Variants in SLTM observed in about 807,000 individuals in gnomAD.
The protein encoded by SLTM is SAFB-like transcription modulator.
In SLTM, 43 loss-of-function variants were observed where a neutral mutation model predicts 134.6. That is an observed-to-expected ratio of 0.32 (90% CI 0.25 to 0.41). The LOEUF is 0.41. Among genes scored for constraint, SLTM ranks in the 10% least tolerant of loss-of-function variants. The probability of loss-of-function intolerance (pLI) is 1.00; values close to 1 mark genes in which losing one functional copy is unlikely to be tolerated. For synonymous variants in SLTM, 424 were observed against 432.3 expected, an observed-to-expected ratio of 0.98 and a Z score of 0.24; for missense variants, 1,055 against 1,288.8, an observed-to-expected ratio of 0.82 and a Z score of 2.78.
intron 2 of SLTM, among the ~76,000 whole-genome samples, chr15:58,921,965 G>A (rs1840457094): frequency 1.3e-5 from 2 of 152,026 alleles, no homozygotes; most frequent in South Asian, 4.1e-4. Context: ...AGTAGAGACA[G>A]GGTTTCAGCA....
In SLTM at chr15:58,889,397, G is replaced by C. The variant is rs115801134; in HGVS notation, c.2204+33C>G. The C allele has an allele frequency of 4.3e-3, 6,849 of 1,611,480 alleles. 252 individuals carry two copies. The African/African-American group carries it at 0.079, about 19-fold the overall frequency. On this transcript the variant is annotated intron_variant, in intron 16 of 20. Coordinates refer to ENST00000380516, the MANE Select transcript of SLTM (RefSeq NM_024755.4). ...TAGCCTAAAGGGAATAAAACAGCAA[G>C]GTTAACTGTTAAGGAATAAAATGAG...
intron 2 of SLTM, 75 bp downstream of exon 2, chr15:58,932,281 G>T: frequency 9.4e-7 from 1 of 1,063,896 alleles, no homozygotes; most frequent in Admixed American, 1.7e-5. Flanking sequence ...ATATAAACAG[G>T]GCAAGAGGCA....
chr15:58,888,724 T>TA, intron 16 of SLTM, 169 bp from the exon 17 acceptor site: 1 of 515,574 alleles, frequency 1.9e-6, no homozygotes, highest in Admixed American at 3.8e-5. Flanking sequence ...ATTGTTGAAT[T>TA]ACATAAAGTC....
At chr15:58,903,090 T>C (rs2035605953) in intron 5 of SLTM, among the ~76,000 whole-genome samples, 1 of 151,792 alleles carries the variant, frequency 6.6e-6, no homozygotes, top group Non-Finnish European at 1.5e-5. Flanking sequence ...TTAGTAGAGA[T>C]GGGGTTTCAC....
intron 1 of SLTM, 52 bp downstream of exon 1, chr15:58,933,352 G>T: frequency 4.0e-6 from 6 of 1,513,448 alleles, no homozygotes; most frequent in Non-Finnish European, 4.4e-6. Flanking sequence ...GGGCGCCGAG[G>T]CGCGGCCTAA....
intron 9 of SLTM, among the ~76,000 whole-genome samples, chr15:58,895,986 T>C (rs1207317042): frequency 1.3e-5 from 2 of 152,160 alleles, no homozygotes; most frequent in Non-Finnish European, 2.9e-5. Context: ...CTAAATAAGG[T>C]CCCTGACCTC....
At chr15:58,904,871 C>T (rs1388444035) in intron 5 of SLTM, among the ~76,000 whole-genome samples, 1 of 152,100 alleles carries the variant, frequency 6.6e-6, no homozygotes, top group East Asian at 1.9e-4. Context: ...CCACTACGCC[C>T]AGCTAATTTT....
At chr15:58,889,867 C>A (rs750117540) in intron 15 of SLTM, 6 of 349,004 alleles carry the variant, frequency 1.7e-5, no homozygotes, top group Non-Finnish European at 3.1e-5. Context: ...TGCATGGAGA[C>A]TAAGTGCCTT....
intron 4 of SLTM, among the ~76,000 whole-genome samples, chr15:58,913,112 G>A (rs568715171): frequency 4.2e-4 from 64 of 152,242 alleles, no homozygotes; most frequent in African/African-American, 1.4e-3. Context: ...TGTTGGCAAT[G>A]CCAGAATGAA....
At chr15:58,892,018 G>A (rs549770143) in intron 14 of SLTM, among the ~76,000 whole-genome samples, 1 of 152,264 alleles carries the variant, frequency 6.6e-6, no homozygotes, top group East Asian at 1.9e-4. Flanking sequence ...TGGGTTCTAT[G>A]TGCTACAAGG....
In SLTM at chr15:58,890,405, C is replaced by T. The variant is rs761950082; in HGVS notation, c.1955G>A (p.Arg652His). Residue 652 changes from arginine to histidine, a missense_variant, in exon 15 of 21, where the codon CGT (arginine) becomes CAT (histidine). By Grantham distance (29) the Arg-to-His change is conservative. Around this residue, in one of 3 missense-constraint regions of SLTM, gnomAD observed 776 missense variants for 962.2 expected, o/e 0.81. Coordinates refer to ENST00000380516, the MANE Select transcript of SLTM (RefSeq NM_024755.4). ...RRERERIRII[R>H]EREERERLQR... ...TAAGCGTTCCCGTTCTTCCCGTTCA[C>T]GAATTATTCTAATGCGTTCTCGCTC... 6.2e-6 allele frequency: 10 copies of T among 1,614,060 alleles called. No homozygotes were observed. Among genetic ancestry groups the T allele is most frequent in the Admixed American group, 3.3e-5 (2 of 60,002 alleles).
At chr15:58,903,352 A>C (rs1231552946) in intron 5 of SLTM, among the ~76,000 whole-genome samples, 1 of 152,202 alleles carries the variant, frequency 6.6e-6, no homozygotes, top group East Asian at 1.9e-4. Flanking sequence ...ACTTCTGCTT[A>C]GAAAACTAAG....
At chr15:58,900,238 G>A (rs763836954) in intron 6 of SLTM, among the ~76,000 whole-genome samples, 6 of 152,148 alleles carry the variant, frequency 3.9e-5, no homozygotes, top group Non-Finnish European at 7.4e-5. Flanking sequence ...GCATATGGAA[G>A]ATTTTGTTCC....
intron 2 of SLTM, among the ~76,000 whole-genome samples, chr15:58,929,252 A>G (rs972091215): frequency 2.6e-5 from 4 of 152,186 alleles, no homozygotes; most frequent in Non-Finnish European, 5.9e-5. Flanking sequence ...GGAGTTCAAG[A>G]CAAGCCTGAC....
chr15:58,923,799 CTTTTTTTTT>C (rs34100406), intron 2 of SLTM, among the ~76,000 whole-genome samples: 29 of 69,594 alleles, frequency 4.2e-4, no homozygotes, highest in African/African-American at 1.4e-3. Context: ...GAAGCCAAAC[CTTTTTTTTT>C]TTTTTTTTTT....
intron 5 of SLTM, among the ~76,000 whole-genome samples, chr15:58,901,703 G>A (rs376651520): frequency 3.9e-5 from 6 of 152,114 alleles, no homozygotes; most frequent in East Asian, 1.9e-4. Flanking sequence ...ATCTGTAGAC[G>A]TAACTTTCAA....
chr15:58,894,007 CA>C lies in SLTM; in HGVS notation c.1482-21del. The C allele has an allele frequency of 1.3e-6, 2 of 1,598,216 alleles. No homozygotes were observed. On this transcript the variant is annotated intron_variant, in intron 11 of 20. Coordinates refer to ENST00000380516, the MANE Select transcript of SLTM (RefSeq NM_024755.4). ...TGTGTCCTGACCATACCGCCCCAGA[CA>C]AAAAAACAGAATGAGTACTTCATAA...
chr15:58,888,517 G>C lies in SLTM; in HGVS notation c.2243C>G (p.Ser748Cys). The change falls in exon 17 of 21, where the codon TCT becomes TGT. Residue 748 changes from serine to cysteine, a missense_variant. Ser to Cys is a moderately radical substitution (Grantham distance 112, BLOSUM62 -1). Around this residue, in one of 3 missense-constraint regions of SLTM, gnomAD observed 776 missense variants for 962.2 expected, o/e 0.81. Coordinates refer to ENST00000380516, the MANE Select transcript of SLTM (RefSeq NM_024755.4). ...GCCAAATCGTGCATCTGTATCTAGA[G>C]ACAACTTTTTATTCTCGCTCCAGTA... ...DPYWSENKKL[S>C]LDTDARFGHG... is the part of the protein sequence containing the mutation. 1 of 1,614,012 alleles carries C rather than the reference G, an allele frequency of 6.2e-7. No homozygotes were observed.
chr15:58,914,537 G>A (rs1322367796), intron 3 of SLTM, among the ~76,000 whole-genome samples: 1 of 152,124 alleles, frequency 6.6e-6, no homozygotes, highest in Non-Finnish European at 1.5e-5. Flanking sequence ...TGGGGAGCAG[G>A]GGATCTCTTG....
Sources: allele counts gnomAD v4.1 joint callset (sites outside exome capture counted in the v4.1 genomes callset), GRCh38; gene constraint gnomAD v4.1.1; regional missense constraint gnomAD v4.1.1; transcripts MANE v1.5; gene names NCBI Gene and HGNC (gene_info 2026-07-23, HGNC 2026-07-21).